Variants in CSMD1 observed in about 807,000 individuals in gnomAD.
CSMD1 encodes the protein CUB and sushi domain-containing protein 1.
A neutral mutation model predicts 417.5 loss-of-function variants in CSMD1; 213 were observed. That is an observed-to-expected ratio of 0.51 (90% CI 0.46 to 0.57). The LOEUF (loss-of-function observed/expected upper bound fraction) is 0.57. CSMD1 is among the 20% of genes least tolerant of loss of function. The probability of loss-of-function intolerance (pLI) is 0.00; values close to 1 mark genes in which losing one functional copy is unlikely to be tolerated. For synonymous variants in CSMD1, 2,862 were observed against 1,736.8 expected (o/e 1.65, Z -16.11); for missense variants, 6,923 against 4,529.7 (o/e 1.53, Z -15.17).
chr8:4,576,412 C>G (rs1014267859), intron 2 of CSMD1, among the ~76,000 whole-genome samples: 2 of 152,242 alleles, frequency 1.3e-5, no homozygotes, highest in Non-Finnish European at 2.9e-5. Context: ...GACTAGATTA[C>G]CTCTTCTTGC....
intron 3 of CSMD1, among the ~76,000 whole-genome samples, chr8:4,204,751 C>T (rs867472818): frequency 3.3e-5 from 5 of 152,252 alleles, no homozygotes; most frequent in Admixed American, 6.5e-5. Flanking sequence ...ACCTCCCAGC[C>T]TCAATCAATC....
chr8:3,471,529 C>A (rs1817099910), intron 11 of CSMD1, among the ~76,000 whole-genome samples: 1 of 147,132 alleles, frequency 6.8e-6, no homozygotes, highest in Non-Finnish European at 1.5e-5. Flanking sequence ...TCCTTCGTTC[C>A]TTCCTTCCTT....
At chr8:3,428,549 C>G (rs1341907562) in intron 12 of CSMD1, among the ~76,000 whole-genome samples, 1 of 152,134 alleles carries the variant, frequency 6.6e-6, no homozygotes, top group Non-Finnish European at 1.5e-5. Flanking sequence ...AAAGACTGAC[C>G]ATACCAAATG....
At chr8:3,441,968 T>C (rs570752883) in intron 12 of CSMD1, among the ~76,000 whole-genome samples, 26 of 152,100 alleles carry the variant, frequency 1.7e-4, no homozygotes, top group Non-Finnish European at 2.9e-4. Context: ...GACTTTCCAG[T>C]GGGACAAGAT....
At chr8:3,411,680 A>ATACG (rs1812710855) in intron 12 of CSMD1, among the ~76,000 whole-genome samples, 1 of 70,662 alleles carries the variant, frequency 1.4e-5, no homozygotes, top group South Asian at 4.2e-4. Flanking sequence ...GTGTATATAT[A>ATACG]CGTGTATATA....
At position 3,266,333 on chromosome 8, in the gene CSMD1, C is replaced by T. The variant is rs557621119; in HGVS notation, c.4153+17811G>A. On this transcript the variant is annotated intron_variant, in intron 26 of 69. Transcript: ENST00000635120. ...TTTAAGAGAACCACCCGGCCGGGCA[C>T]AGTGGCTCACACCTGTAATCCCAGC... 1.4e-3 allele frequency among the ~76,000 whole-genome samples: 217 copies of T among 151,938 alleles called. 1 individual carries two copies. The highest frequency in any genetic ancestry group is 2.7e-3 in the Non-Finnish European group (181 of 67,990).
chr8:4,156,081 G>T (rs1040295802), intron 3 of CSMD1, among the ~76,000 whole-genome samples: 13 of 152,254 alleles, frequency 8.5e-5, no homozygotes, highest in Admixed American at 2.0e-4. Flanking sequence ...GAATAGGGCT[G>T]GCTGGAGTTA....
intron 8 of CSMD1, among the ~76,000 whole-genome samples, chr8:3,599,675 C>T (rs938075539): frequency 6.6e-6 from 1 of 152,214 alleles, no homozygotes; most frequent in African/African-American, 2.4e-5. Flanking sequence ...ATGCCTTTAA[C>T]AACATCTCCA....
chr8:4,822,051 C>G (rs10104307), intron 1 of CSMD1, among the ~76,000 whole-genome samples: 70,652 of 151,972 alleles, frequency 0.46, 16,833 homozygotes, highest in Non-Finnish European at 0.51. Flanking sequence ...CCCTCTTTCC[C>G]TTTTCTATTC....
intron 2 of CSMD1, among the ~76,000 whole-genome samples, chr8:4,477,939 G>C (rs988954586): frequency 2.0e-5 from 3 of 152,278 alleles, no homozygotes; most frequent in African/African-American, 7.2e-5. Flanking sequence ...GCGCATGATA[G>C]CTATGCAATA....
intron 3 of CSMD1, among the ~76,000 whole-genome samples, chr8:4,270,619 GAT>G (rs1804525799): frequency 6.6e-6 from 1 of 152,154 alleles, no homozygotes; most frequent in Non-Finnish European, 1.5e-5. Flanking sequence ...TTTTGACTCT[GAT>G]AGAATTAAAC....
intron 12 of CSMD1, among the ~76,000 whole-genome samples, chr8:3,440,060 T>C (rs1302809292): frequency 6.6e-6 from 1 of 152,226 alleles, no homozygotes; most frequent in Non-Finnish European, 1.5e-5. Flanking sequence ...ACTGGAGCTA[T>C]ATAATATGCA....
chr8:3,391,968 A>T (rs901956853), intron 17 of CSMD1, among the ~76,000 whole-genome samples: 1 of 152,118 alleles, frequency 6.6e-6, no homozygotes, highest in African/African-American at 2.4e-5. Flanking sequence ...GTCATGGATG[A>T]AGCTGGAAAC....
rs191492737 is a variant in CSMD1, at chr8:3,003,670, C to T, written c.8030-3539G>A. ...ATAAGACACAATCGCAGAGGGTAAA[C>T]GCAGAGGAGCAGCTGTCACGTGCAG... On this transcript the variant is annotated intron_variant, in intron 52 of 69. Coordinates refer to ENST00000635120, the MANE Select transcript of CSMD1 (RefSeq NM_033225.6). Among the ~76,000 whole-genome samples the T allele has an allele frequency of 5.7e-3, 870 of 152,190 alleles. 6 individuals carry two copies. The highest frequency in any genetic ancestry group is 0.02 in the African/African-American group (813 of 41,520).
chr8:3,449,997 G>C (rs1302930529), intron 12 of CSMD1, among the ~76,000 whole-genome samples: 2 of 152,232 alleles, frequency 1.3e-5, no homozygotes, highest in East Asian at 1.9e-4. Context: ...AGACGGGAGA[G>C]AGGGTCACCA....
At chr8:2,948,797 C>G (rs968356093) in intron 68 of CSMD1, among the ~76,000 whole-genome samples, 1 of 152,004 alleles carries the variant, frequency 6.6e-6, no homozygotes, top group South Asian at 2.1e-4. Context: ...ACCCATACAT[C>G]CATCAAAATT....
intron 3 of CSMD1, among the ~76,000 whole-genome samples, chr8:4,327,454 G>T (rs916592655): frequency 6.6e-6 from 1 of 152,152 alleles, no homozygotes; most frequent in East Asian, 1.9e-4. Flanking sequence ...GCAGCCTCCA[G>T]GTTGCTGCCT....
chr8:4,810,645 T>G (rs1051182190), intron 1 of CSMD1, among the ~76,000 whole-genome samples: 6 of 152,214 alleles, frequency 3.9e-5, no homozygotes, highest in African/African-American at 1.4e-4. Flanking sequence ...AATATGATTT[T>G]GTATTACATA....
At position 4,850,695 on chromosome 8, in the gene CSMD1, T is replaced by C. The variant is rs188736395; in HGVS notation, c.85+143637A>G. 5.9e-3 allele frequency among the ~76,000 whole-genome samples: 898 copies of C among 152,236 alleles called. 2 individuals are homozygous for C. The highest frequency in any genetic ancestry group is 0.011 in the Non-Finnish European group (738 of 68,020). On this transcript the variant is annotated intron_variant, in intron 1 of 69. Transcript: ENST00000635120. The stretch of plus-strand genomic sequence containing the variant: ...CCTTAGCTTTGTCTCTCTCTCTCTC[T>C]GGATGAAGTGCAGAGTGTCGTGAAG...
Sources: allele counts gnomAD v4.1 joint callset (sites outside exome capture counted in the v4.1 genomes callset), GRCh38; gene constraint gnomAD v4.1.1; transcripts MANE v1.5; gene names NCBI Gene and HGNC (gene_info 2026-07-23, HGNC 2026-07-21).